Variants in USP6NL observed in about 807,000 individuals in gnomAD.
USP6NL encodes USP6 N-terminal like.
USP6NL carries 26 observed loss-of-function variants against 61.9 expected under a neutral mutation model. The ratio of observed to expected loss-of-function variants is 0.42; its 90% confidence interval spans 0.31 to 0.58. USP6NL has a LOEUF of 0.58. USP6NL is among the 20% of genes least tolerant of loss of function. The pLI is 0.16. For synonymous variants in USP6NL, 432 were observed against 390.1 expected (o/e 1.11, Z -1.27); for missense variants, 1,114 against 1,034.3 (o/e 1.08, Z -1.06).
At chr10:11,560,714 T>TTA (rs56221814) in intron 2 of USP6NL, among the ~76,000 whole-genome samples, 13,319 of 141,194 alleles carry the variant, frequency 0.094, 645 homozygotes, top group Middle Eastern at 0.13. Flanking sequence ...TATATATATA[T>TTA]TATATATATA....
intron 2 of USP6NL, among the ~76,000 whole-genome samples, chr10:11,539,007 C>T (rs984298930): frequency 2.6e-5 from 4 of 152,176 alleles, no homozygotes; most frequent in Admixed American, 1.3e-4. Context: ...CTTCAAGTCA[C>T]GTGGAGGAAA....
chr10:11,495,529 T>A lies in USP6NL; in HGVS notation c.385-2301A>T, dbSNP rs137977686. On this transcript the variant is annotated intron_variant, in intron 7 of 14. Coordinates refer to ENST00000609104, the MANE Select transcript of USP6NL (RefSeq NM_014688.5). This position sits in a 1 kb window ranked among gnomAD's most constrained non-coding sequence, Gnocchi z 4.6. Reference sequence around the variant, plus strand: ...CTAATTTTCTTGTATTTTTCTGTATTATTTTACATCTCTTTGCTTTTATAA... The same window carrying A: ...CTAATTTTCTTGTATTTTTCTGTATAATTTTACATCTCTTTGCTTTTATAA... Among the ~76,000 whole-genome samples the A allele has an allele frequency of 6.7e-4, 102 of 152,282 alleles. No individual in the cohort carries two copies. Among genetic ancestry groups the A allele is most frequent in the Non-Finnish European group, 1.2e-3 (84 of 68,030 alleles).
chr10:11,583,185 T>C (rs966148924), intron 2 of USP6NL, among the ~76,000 whole-genome samples: 1 of 82,016 alleles, frequency 1.2e-5, no homozygotes, highest in African/African-American at 4.4e-5. Context: ...ATGTTTTCAA[T>C]TTTTTTTTTT....
At chr10:11,583,492 C>T (rs920666153) in intron 2 of USP6NL, among the ~76,000 whole-genome samples, 1 of 151,742 alleles carries the variant, frequency 6.6e-6, no homozygotes, top group African/African-American at 2.4e-5. Flanking sequence ...CGCCCGGCTA[C>T]TACATTTTCA....
In USP6NL at chr10:11,551,580, C is replaced by T. The variant is rs548153361; in HGVS notation, c.5-24013G>A. On this transcript the variant is annotated intron_variant, in intron 2 of 14. Coordinates refer to ENST00000609104, the MANE Select transcript of USP6NL (RefSeq NM_014688.5). ...ACAACCATAGTGATAAAGATACCAT[C>T]GCAGCGATGAGAAAAATGAGACTTA... Among the ~76,000 whole-genome samples the T allele has an allele frequency of 3.3e-5, 5 of 152,266 alleles. No individual in the cohort carries two copies. In the South Asian group the frequency reaches 6.2e-4, roughly 19 times the overall value.
intron 4 of USP6NL, among the ~76,000 whole-genome samples, chr10:11,523,995 G>T (rs543191064): frequency 1.3e-5 from 2 of 152,300 alleles, no homozygotes; most frequent in African/African-American, 4.8e-5. Context: ...TCATACCCCA[G>T]ATCTGCACAC....
chr10:11,553,809 C>G lies in USP6NL; in HGVS notation c.5-26242G>C, dbSNP rs1401273338. On this transcript the variant is annotated intron_variant, in intron 2 of 14. Transcript: ENST00000609104. This position sits in a 1 kb window ranked among gnomAD's most constrained non-coding sequence, Gnocchi z 4.8. ...TACTCGCGAGGCTCAGGCAAGAGAACTGCTTGAACCCGGGAGGCAGAGGAT... is the reference window on the plus strand; with the variant it reads ...TACTCGCGAGGCTCAGGCAAGAGAAGTGCTTGAACCCGGGAGGCAGAGGAT... 6.6e-6 allele frequency among the ~76,000 whole-genome samples: 1 copy of G among 151,444 alleles called. No homozygotes were observed. Among genetic ancestry groups the G allele is most frequent in the East Asian group, 1.9e-4 (1 of 5,146 alleles).
In USP6NL at chr10:11,518,967, C is replaced by CA. The variant is rs1281995227; in HGVS notation, c.156-394dup. The stretch of plus-strand genomic sequence containing the variant: ...CATCACTGCAGAAAGGTCCACTGGA[C>CA]AGCACTGCTCCAGACTAGGAGTGAG... On this transcript the variant is annotated intron_variant, in intron 4 of 14. Coordinates refer to ENST00000609104, the MANE Select transcript of USP6NL (RefSeq NM_014688.5). This position sits in a 1 kb window ranked among gnomAD's most constrained non-coding sequence, Gnocchi z 5.3. Among the ~76,000 whole-genome samples, 10 of 152,236 alleles carry CA rather than the reference C, an allele frequency of 6.6e-5. No homozygotes were observed. The highest frequency in any genetic ancestry group is 2.4e-4 in the African/African-American group (10 of 41,466).
chr10:11,489,892 T>G lies in USP6NL; in HGVS notation c.544-670A>C, dbSNP rs768969375. ...ACGTACTGGAACAGAATGCTCACAA[T>G]GAATCTGTGGGTGCAATCTGAGCCG... On this transcript the variant is annotated intron_variant, in intron 9 of 14. Coordinates refer to ENST00000609104, the MANE Select transcript of USP6NL (RefSeq NM_014688.5). The surrounding 1 kb of genome is among the most constrained non-coding windows in gnomAD (Gnocchi z 5.7). 2.0e-5 allele frequency among the ~76,000 whole-genome samples: 3 copies of G among 152,178 alleles called. No homozygotes were observed. Among genetic ancestry groups the G allele is most frequent in the Non-Finnish European group, 4.4e-5 (3 of 68,032 alleles).
chr10:11,599,474 A>C (rs1430373195), intron 1 of USP6NL, among the ~76,000 whole-genome samples: 1 of 152,236 alleles, frequency 6.6e-6, no homozygotes, highest in Non-Finnish European at 1.5e-5. Flanking sequence ...AGACATCAAG[A>C]GTTTTCTCAG....
chr10:11,500,144 A>G (rs2133302988), intron 7 of USP6NL, among the ~76,000 whole-genome samples: 1 of 152,290 alleles, frequency 6.6e-6, no homozygotes, highest in South Asian at 2.1e-4. Flanking sequence ...ATGATGAGGA[A>G]CAAAACATAG....
At chr10:11,571,658 T>A (rs1028678594) in intron 2 of USP6NL, among the ~76,000 whole-genome samples, 3 of 151,790 alleles carry the variant, frequency 2.0e-5, no homozygotes, top group African/African-American at 7.3e-5. Flanking sequence ...TTTTTTTTTT[T>A]AAATTCTCTT....
chr10:11,509,245 C>G (rs1239374956), intron 6 of USP6NL, among the ~76,000 whole-genome samples: 1 of 152,134 alleles, frequency 6.6e-6, no homozygotes, highest in East Asian at 1.9e-4. Context: ...GTGATTCTGA[C>G]CTCAAAGGGA....
rs1836352691 is a variant in USP6NL at position 11,548,155 on chromosome 10, A to T, written c.5-20588T>A. On this transcript the variant is annotated intron_variant, in intron 2 of 14. Transcript: ENST00000609104. The surrounding 1 kb of genome is among the most constrained non-coding windows in gnomAD (Gnocchi z 4.3). Reference sequence around the variant, plus strand: ...ATGTCTTCCTTTTAGTTCTAAACAAAATTAGGCTTTTCCACATGAGAGGCC... The same window carrying T: ...ATGTCTTCCTTTTAGTTCTAAACAATATTAGGCTTTTCCACATGAGAGGCC... 6.6e-6 allele frequency among the ~76,000 whole-genome samples: 1 copy of T among 152,184 alleles called. No individual in the cohort carries two copies.
In USP6NL at chr10:11,462,754, G is replaced by A. The variant is rs777661525; in HGVS notation, c.2174C>T (p.Pro725Leu). ...GSPKNGKLIIPPVDYLPDNRT... is the reference protein window; with the variant it reads ...GSPKNGKLIILPVDYLPDNRT... Reference sequence around the variant, plus strand: ...GTTATCTGGCAAGTAATCCACTGGTGGAATGATCAATTTTCCATTCTTTGG... The same window carrying A: ...GTTATCTGGCAAGTAATCCACTGGTAGAATGATCAATTTTCCATTCTTTGG... Residue 725 changes from proline to leucine, a missense_variant, in exon 15 of 15, where the codon CCA (proline) becomes CTA (leucine). By Grantham distance (98) the Pro-to-Leu change is moderately conservative (BLOSUM62 -3). Coordinates refer to ENST00000609104, the MANE Select transcript of USP6NL (RefSeq NM_014688.5). 5.0e-6 allele frequency: 8 copies of A among 1,613,996 alleles called. No individual in the cohort carries two copies. In the South Asian group the frequency reaches 8.8e-5, roughly 18 times the overall value.
chr10:11,494,888 C>A (rs1489216906), intron 7 of USP6NL, among the ~76,000 whole-genome samples: 2 of 152,132 alleles, frequency 1.3e-5, no homozygotes, highest in African/African-American at 4.8e-5. Context: ...CGAAGCACAG[C>A]ATCACAGGGA....
chr10:11,582,534 T>C (rs1399851056), intron 2 of USP6NL, among the ~76,000 whole-genome samples: 1 of 152,176 alleles, frequency 6.6e-6, no homozygotes, highest in East Asian at 1.9e-4. Context: ...CAACTTGAAA[T>C]TGTCAGATGT....
intron 2 of USP6NL, among the ~76,000 whole-genome samples, chr10:11,578,865 A>G (rs1056040436): frequency 6.6e-6 from 1 of 152,250 alleles, no homozygotes; most frequent in Non-Finnish European, 1.5e-5. Context: ...GGTACTTGCT[A>G]GGTACATGCA....
rs985770558 is a variant in USP6NL at position 11,521,377 on chromosome 10, A to AT, written c.156-2804dup. On this transcript the variant is annotated intron_variant, in intron 4 of 14. Coordinates refer to ENST00000609104, the MANE Select transcript of USP6NL (RefSeq NM_014688.5). The stretch of plus-strand genomic sequence containing the variant: ...TTATATACATATATATTATTTATAT[A>AT]TTTTTTTTTAAATTTTTTTTTTAGA... 5.1e-4 allele frequency among the ~76,000 whole-genome samples: 73 copies of AT among 143,034 alleles called. No homozygotes were observed. In the East Asian group the frequency reaches 6.3e-3, roughly 12 times the overall value. The allele number at this position is 143,034 out of a possible 152,430, so 93.8% of individuals were successfully genotyped here.
Sources: gnomAD v4.1 joint callset for allele counts (sites outside exome capture counted in the v4.1 genomes callset) on GRCh38, gnomAD v4.1.1 for gene constraint, Gnocchi (gnomAD v3.1) non-coding constraint, MANE v1.5 for transcripts, NCBI Gene and HGNC (gene_info 2026-07-23, HGNC 2026-07-21) for gene names.